Variants in CDH6 observed in about 807,000 individuals in gnomAD.
The protein encoded by CDH6 is cadherin 6, also known as cadherin-6.
CDH6 carries 31 observed loss-of-function variants against 78.0 expected under a neutral mutation model. The ratio of observed to expected loss-of-function variants is 0.40; its 90% CI spans 0.30 to 0.54. The LOEUF is 0.54. Ranked by LOEUF, CDH6 falls within the 20% of genes least tolerant of loss-of-function variation. CDH6 has a pLI of 0.56. For missense variants in CDH6, 724 were observed against 975.9 expected, an observed-to-expected ratio of 0.74 and a Z score of 3.44; for synonymous variants, 376 against 368.8, an observed-to-expected ratio of 1.02 and a Z score of -0.23.
chr5:31,267,848 T>G (rs562664063), intron 2 of CDH6, 147 bp downstream of exon 2: 26 of 629,868 alleles, frequency 4.1e-5, no homozygotes, highest in Admixed American at 1.5e-4. Context: ...TCCACTTGAG[T>G]AGTTTCGGGA....
intron 1 of CDH6, among the ~76,000 whole-genome samples, chr5:31,201,537 A>G (rs993226585): frequency 1.2e-4 from 19 of 152,196 alleles, no homozygotes; most frequent in African/African-American, 4.6e-4. Flanking sequence ...CACTGCTTTG[A>G]AGTTAAAATG....
intron 1 of CDH6, among the ~76,000 whole-genome samples, chr5:31,247,769 A>G (rs1366088862): frequency 1.3e-5 from 2 of 152,188 alleles, no homozygotes; most frequent in Non-Finnish European, 2.9e-5. Flanking sequence ...ATTTCAAAGC[A>G]CCTGTGACCA....
rs1742390290 is a variant in CDH6 at position 31,267,347 on chromosome 5, T to C, written c.-127T>C. 1.5e-6 allele frequency: 1 copy of C among 669,804 alleles called. No homozygotes were observed. Among genetic ancestry groups the C allele is most frequent in the Middle Eastern group, 4.0e-4 (1 of 2,472 alleles). The allele number at this position is 669,804 out of a possible 1,614,324, so 41.5% of individuals were successfully genotyped here. A position where few individuals can be genotyped will look rare whatever the true frequency, so the allele number is the denominator to read the frequency against. ...TTGTTATGTTATTATTCTTTCCAGA[T>C]ATCCTCTGAGAGCCAAGCAAAGAAC... is the stretch of plus-strand genomic sequence containing the variant. On this transcript the variant is annotated splice_region_variant and 5_prime_UTR_variant, in exon 2 of 12. Coordinates refer to ENST00000265071, the MANE Select transcript of CDH6 (RefSeq NM_004932.4).
Position 31,323,014 on chromosome 5 carries a change from G to A in CDH6, c.2079G>A (p.Val693=), listed in dbSNP as rs760608264. 3.7e-6 allele frequency: 6 copies of A among 1,614,042 alleles called. No homozygotes were observed. The African/African-American group carries it at 6.7e-5, about 18-fold the overall frequency. The change falls in exon 12 of 12, where the codon GTG becomes GTA. Residue 693 remains valine (V), a synonymous_variant. Transcript: ENST00000265071. ...ACAACAAATTACGAAGGGACATTGTGCCCGAAGCCCTTTTCCTACCCCGAC... is the reference window on the plus strand; with the variant it reads ...ACAACAAATTACGAAGGGACATTGTACCCGAAGCCCTTTTCCTACCCCGAC... The part of the protein sequence containing the change: ...IEDNKLRRDI[V]PEALFLPRRT...
chr5:31,212,184 C>T (rs1233444594), intron 1 of CDH6, among the ~76,000 whole-genome samples: 2 of 152,164 alleles, frequency 1.3e-5, no homozygotes, highest in Non-Finnish European at 2.9e-5. Flanking sequence ...TGAGGAATAA[C>T]TCAGTTAATT....
At chr5:31,304,056 A>C (rs932590033) in intron 6 of CDH6, among the ~76,000 whole-genome samples, 1 of 152,216 alleles carries the variant, frequency 6.6e-6, no homozygotes, top group African/African-American at 2.4e-5. Flanking sequence ...CTCCAAAAGC[A>C]GACCTACTTT....
chr5:31,279,477 C>T (rs954319252), intron 2 of CDH6, among the ~76,000 whole-genome samples: 5 of 151,950 alleles, frequency 3.3e-5, no homozygotes, highest in Admixed American at 1.3e-4. Context: ...TACCTGAGGT[C>T]GGAGGATCTC....
At chr5:31,309,042 G>T (rs908078572) in intron 7 of CDH6, among the ~76,000 whole-genome samples, 1 of 152,050 alleles carries the variant, frequency 6.6e-6, no homozygotes, top group Non-Finnish European at 1.5e-5. Context: ...AAATGATCAA[G>T]TAAGTACAAT....
chr5:31,323,683 T>TAA lies in CDH6; in HGVS notation c.*377_*378dup. The TAA allele has an allele frequency of 3.8e-6, 1 of 266,614 alleles. No individual in the cohort carries two copies. Among genetic ancestry groups the TAA allele is most frequent in the Non-Finnish European group, 7.3e-6 (1 of 136,874 alleles). The allele number at this position is 266,614 out of a possible 1,614,324, so 16.5% of individuals were successfully genotyped here. A position where few individuals can be genotyped will look rare whatever the true frequency, so the allele number is the denominator to read the frequency against. ...CTGTACATTTCACAGGCTAATGGGA[T>TAA]AAAGGACTGTGCTTTAAAGATAAAA... On this transcript the variant is annotated 3_prime_UTR_variant, in exon 12 of 12. Transcript: ENST00000265071.
At chr5:31,256,738 T>G (rs1358746054) in intron 1 of CDH6, among the ~76,000 whole-genome samples, 1 of 152,186 alleles carries the variant, frequency 6.6e-6, no homozygotes, top group African/African-American at 2.4e-5. Flanking sequence ...AAGAGGAAAT[T>G]GGAACACATT....
At chr5:31,249,887 C>T (rs1465976107) in intron 1 of CDH6, 1 of 152,308 alleles carries the variant, frequency 6.6e-6, no homozygotes, top group Admixed American at 6.5e-5. Flanking sequence ...TCCGAGGACC[C>T]CAACGAAGGA....
chr5:31,232,210 T>C (rs972994544), intron 1 of CDH6, among the ~76,000 whole-genome samples: 4 of 152,246 alleles, frequency 2.6e-5, no homozygotes, highest in African/African-American at 9.6e-5. Context: ...AATATTTCAC[T>C]TTATGCTAAT....
intron 1 of CDH6, among the ~76,000 whole-genome samples, chr5:31,199,685 G>GTGTATGTATATA (rs796740950): frequency 1.3e-5 from 1 of 79,852 alleles, no homozygotes; most frequent in African/African-American, 4.7e-5. Context: ...GTGTGTGTGT[G>GTGTATGTATATA]TATATATATA....
chr5:31,209,708 A>C (rs886315075), intron 1 of CDH6, among the ~76,000 whole-genome samples: 7 of 152,206 alleles, frequency 4.6e-5, no homozygotes, highest in Admixed American at 1.3e-4. Context: ...TTATTATTTT[A>C]CATAAGAGAC....
rs189683521 is a variant in CDH6, at chr5:31,292,781, G to A, written c.229-1181G>A. ...TATATATGTGCGTGTGTGTATGTGT[G>A]TATATGTATATATATGTGTGTGCAT... is the stretch of plus-strand genomic sequence containing the variant. On this transcript the variant is annotated intron_variant, in intron 2 of 11. Transcript: ENST00000265071. Among the ~76,000 whole-genome samples the A allele has an allele frequency of 6.8e-3, 880 of 129,444 alleles. 9 individuals are homozygous for A. The highest frequency in any genetic ancestry group is 0.01 in the Non-Finnish European group (620 of 60,772). The allele number at this position is 129,444 out of a possible 152,430, so 84.9% of individuals were successfully genotyped here.
chr5:31,205,405 G>T (rs1740488175), intron 1 of CDH6, among the ~76,000 whole-genome samples: 1 of 152,126 alleles, frequency 6.6e-6, no homozygotes, highest in Non-Finnish European at 1.5e-5. Context: ...TTCAATAACG[G>T]AGCCACCAGC....
intron 8 of CDH6, among the ~76,000 whole-genome samples, chr5:31,315,270 C>T (rs2909569): frequency 0.5 from 76,696 of 152,000 alleles, 19,768 homozygotes; most frequent in Non-Finnish European, 0.54. Context: ...ATCCCCATTA[C>T]AATAAAGCTC....
Position 31,294,817 on chromosome 5 carries a change from G to C in CDH6, c.523+561G>C, listed in dbSNP as rs1336376455. On this transcript the variant is annotated intron_variant, in intron 3 of 11. Coordinates refer to ENST00000265071, the MANE Select transcript of CDH6 (RefSeq NM_004932.4). The surrounding 1 kb of genome is among the most constrained non-coding windows in gnomAD (Gnocchi z 4.1). ...AAAAGACTTTCATAACATACATAGAGTGAATTAATATTTTTTACACAATAC... is the reference window on the plus strand; with the variant it reads ...AAAAGACTTTCATAACATACATAGACTGAATTAATATTTTTTACACAATAC... Among the ~76,000 whole-genome samples the C allele has an allele frequency of 6.6e-6, 1 of 152,120 alleles. No individual in the cohort carries two copies. Among genetic ancestry groups the C allele is most frequent in the East Asian group, 1.9e-4 (1 of 5,196 alleles).
At position 31,200,468 on chromosome 5, in the gene CDH6, A is replaced by G. The variant is rs1169194725; in HGVS notation, c.-129+6582A>G. Among the ~76,000 whole-genome samples, 5 of 151,976 alleles carry G rather than the reference A, an allele frequency of 3.3e-5. No individual in the cohort carries two copies. The East Asian group carries it at 9.7e-4, about 29-fold the overall frequency. Reference sequence around the variant, plus strand: ...TGTGTCCTTCTTCATCTAGTAAGTAAAAATAATTTTTTATGACCACATTTA... The same window carrying G: ...TGTGTCCTTCTTCATCTAGTAAGTAGAAATAATTTTTTATGACCACATTTA... On this transcript the variant is annotated intron_variant, in intron 1 of 11. Coordinates refer to ENST00000265071, the MANE Select transcript of CDH6 (RefSeq NM_004932.4).
Sources: gnomAD v4.1 joint callset for allele counts (sites outside exome capture counted in the v4.1 genomes callset) on GRCh38, gnomAD v4.1.1 for gene constraint, Gnocchi (gnomAD v3.1) non-coding constraint, MANE v1.5 for transcripts, NCBI Gene and HGNC (gene_info 2026-07-23, HGNC 2026-07-21) for gene names.